Variants in KCTD16 observed in about 807,000 individuals in gnomAD.
The protein encoded by KCTD16 is BTB/POZ domain-containing protein KCTD16.
KCTD16 carries 13 observed loss-of-function variants against 33.2 expected under a neutral mutation model. The observed-to-expected ratio is 0.39, with a 90% CI of 0.25 to 0.62. The LOEUF is 0.62. Ranked by LOEUF, KCTD16 falls within the 20% of genes least tolerant of loss-of-function variation. The pLI, the probability that KCTD16 is intolerant of heterozygous loss-of-function variation, is 0.50. For missense variants in KCTD16, 441 were observed against 525.1 expected, an observed-to-expected ratio of 0.84 and a Z score of 1.57; for synonymous variants, 197 against 195.3, an observed-to-expected ratio of 1.01 and a Z score of -0.07.
At chr5:144,291,077 G>T (rs1755884611) in intron 3 of KCTD16, among the ~76,000 whole-genome samples, 1 of 152,162 alleles carries the variant, frequency 6.6e-6, no homozygotes, top group Non-Finnish European at 1.5e-5. Context: ...AAAGTGTTGG[G>T]TCTAAAGCCA....
rs530487970 is a variant in KCTD16 at position 144,232,551 on chromosome 5, A to C, written c.832+25005A>C. Among the ~76,000 whole-genome samples the C allele has an allele frequency of 2.0e-5, 3 of 152,338 alleles. No homozygotes were observed. In the South Asian group the frequency reaches 6.2e-4, roughly 32 times the overall value. On this transcript the variant is annotated intron_variant, in intron 3 of 3. Coordinates refer to ENST00000512467, the MANE Select transcript of KCTD16 (RefSeq NM_020768.4). ...ATGTAATACGTGACCATGCTGCCAG[A>C]AGGCCAAGCTATCAAATCGTCTTTT...
rs189015848 is a variant in KCTD16 at position 144,438,367 on chromosome 5, G to T, written c.833-35293G>T. Among the ~76,000 whole-genome samples, 339 of 152,272 alleles carry T rather than the reference G, an allele frequency of 2.2e-3. 2 individuals carry two copies. The highest frequency in any genetic ancestry group is 6.7e-3 in the African/African-American group (277 of 41,554). ...AAGCACAGGAATAGACTGTCTTCAG[G>T]CCTGCCTGTATCCAGAAACTAAATC... On this transcript the variant is annotated intron_variant, in intron 3 of 3. Transcript: ENST00000512467.
intron 3 of KCTD16, among the ~76,000 whole-genome samples, chr5:144,438,063 A>T (rs369706292): frequency 1.3e-5 from 2 of 152,334 alleles, no homozygotes; most frequent in African/African-American, 4.8e-5. Flanking sequence ...GTGTGAAATG[A>T]TTTTATGTAT....
At chr5:144,251,564 C>A (rs116735059) in intron 3 of KCTD16, among the ~76,000 whole-genome samples, 7,208 of 152,178 alleles carry the variant, frequency 0.047, 220 homozygotes, top group South Asian at 0.11. Context: ...AATGGACATG[C>A]TGATGAATTT....
At chr5:144,398,128 G>A (rs982296928) in intron 3 of KCTD16, among the ~76,000 whole-genome samples, 15 of 152,158 alleles carry the variant, frequency 9.9e-5, no homozygotes, top group South Asian at 4.1e-4. Flanking sequence ...TGGACTATAT[G>A]GTGAAGTTCC....
intron 3 of KCTD16, among the ~76,000 whole-genome samples, chr5:144,297,390 A>G (rs1756069479): frequency 6.6e-6 from 1 of 152,178 alleles, no homozygotes; most frequent in Non-Finnish European, 1.5e-5. Context: ...GGATGGGTTC[A>G]GGGTTGGTTA....
intron 3 of KCTD16, among the ~76,000 whole-genome samples, chr5:144,410,603 C>T (rs1178052986): frequency 6.6e-6 from 1 of 151,962 alleles, no homozygotes; most frequent in East Asian, 1.9e-4. Context: ...GCTATTTATT[C>T]TGGGCTTGTT....
At position 144,388,065 on chromosome 5, in the gene KCTD16, G is replaced by GTTTTTTTTTTTTTTTT. The variant is rs397999492; in HGVS notation, c.833-85580_833-85565dup. ...AATCCAGAGTTCAATTTTAGAGCAA[G>GTTTTTTTTTTTTTTTT]TTTTTTTTTTTTTTTTTTTTTTTTT... On this transcript the variant is annotated intron_variant, in intron 3 of 3. Coordinates refer to ENST00000512467, the MANE Select transcript of KCTD16 (RefSeq NM_020768.4). Among the ~76,000 whole-genome samples the GTTTTTTTTTTTTTTTT allele has an allele frequency of 5.7e-4, 42 of 73,662 alleles. 10 individuals are homozygous for GTTTTTTTTTTTTTTTT. Among genetic ancestry groups the GTTTTTTTTTTTTTTTT allele is most frequent in the African/African-American group, 2.5e-3 (40 of 16,102 alleles). The allele number at this position is 73,662 out of a possible 152,430, so 48.3% of individuals were successfully genotyped here.
intron 3 of KCTD16, among the ~76,000 whole-genome samples, chr5:144,429,242 T>G (rs1162013454): frequency 6.6e-6 from 1 of 152,170 alleles, no homozygotes. Context: ...ATTTTTCAGT[T>G]GGAAGTGTCA....
intron 3 of KCTD16, among the ~76,000 whole-genome samples, chr5:144,447,401 C>G (rs759286460): frequency 6.6e-6 from 1 of 151,986 alleles, no homozygotes; most frequent in Non-Finnish European, 1.5e-5. Context: ...ACACTAGGAC[C>G]TGTCAGGGGC....
At chr5:144,234,524 G>A (rs1421350526) in intron 3 of KCTD16, among the ~76,000 whole-genome samples, 1 of 152,090 alleles carries the variant, frequency 6.6e-6, no homozygotes, top group East Asian at 1.9e-4. Flanking sequence ...GAACACAGTG[G>A]CTGTTTGGTG....
At chr5:144,221,514 A>G (rs978328195) in intron 3 of KCTD16, among the ~76,000 whole-genome samples, 2 of 151,798 alleles carry the variant, frequency 1.3e-5, no homozygotes, top group African/African-American at 4.8e-5. Context: ...GAGAACATGC[A>G]GTGTTTGGTT....
chr5:144,444,664 AT>A (rs1235728297), intron 3 of KCTD16, among the ~76,000 whole-genome samples: 2 of 151,780 alleles, frequency 1.3e-5, no homozygotes, highest in East Asian at 1.9e-4. Context: ...GTGATACTAC[AT>A]TTTCTTCTGG....
At chr5:144,250,552 C>A (rs149062529) in intron 3 of KCTD16, among the ~76,000 whole-genome samples, 5 of 152,094 alleles carry the variant, frequency 3.3e-5, no homozygotes, top group Non-Finnish European at 5.9e-5. Flanking sequence ...GCCTTTGTTC[C>A]GAGAAGTATA....
intron 3 of KCTD16, among the ~76,000 whole-genome samples, chr5:144,323,708 G>A (rs907570033): frequency 4.6e-5 from 7 of 152,142 alleles, no homozygotes; most frequent in African/African-American, 1.7e-4. Flanking sequence ...GCTCCCCATA[G>A]TTGGAGGTCT....
intron 2 of KCTD16, among the ~76,000 whole-genome samples, chr5:144,201,913 G>A (rs1228114206): frequency 6.6e-6 from 1 of 152,214 alleles, no homozygotes; most frequent in African/African-American, 2.4e-5. Context: ...CTTGAGGGCA[G>A]AGAAAACTTA....
intron 2 of KCTD16, among the ~76,000 whole-genome samples, chr5:144,203,056 T>A (rs1169442743): frequency 2.0e-5 from 3 of 152,176 alleles, no homozygotes; most frequent in African/African-American, 7.2e-5. Flanking sequence ...GTGGATTCAT[T>A]TCCTAGGTTT....
chr5:144,288,418 G>A (rs1755806717), intron 3 of KCTD16, among the ~76,000 whole-genome samples: 1 of 152,070 alleles, frequency 6.6e-6, no homozygotes, highest in African/African-American at 2.4e-5. Flanking sequence ...GGCACCCTGG[G>A]GAGCATTGGA....
In KCTD16 at chr5:144,207,246, A is replaced by G; in HGVS notation, c.532A>G (p.Arg178Gly). Residue 178 changes from arginine to glycine, a missense_variant, in exon 3 of 4, where the codon AGA becomes GGA. Coordinates refer to ENST00000512467, the MANE Select transcript of KCTD16 (RefSeq NM_020768.4). ...VGYRGSCTLG[R>G]EGQADAKFRR... ...TTACAGAGGATCCTGCACCTTGGGC[A>G]GAGAGGGACAGGCAGATGCCAAGTT... The G allele has an allele frequency of 1.9e-6, 3 of 1,614,186 alleles. No homozygotes were observed. Among genetic ancestry groups the G allele is most frequent in the Non-Finnish European group, 2.5e-6 (3 of 1,180,030 alleles).
Sources: allele counts gnomAD v4.1 joint callset (sites outside exome capture counted in the v4.1 genomes callset), GRCh38; gene constraint gnomAD v4.1.1; transcripts MANE v1.5; gene names NCBI Gene and HGNC (gene_info 2026-07-23, HGNC 2026-07-21).